Variants in ASTN2 observed in about 807,000 individuals in gnomAD.
ASTN2 encodes astrotactin-2.
Under a neutral mutation model 139.8 loss-of-function variants are expected in ASTN2, and 54 were observed. The observed-to-expected ratio is 0.39, with a 90% CI of 0.31 to 0.48. The LOEUF (loss-of-function observed/expected upper bound fraction) is 0.48, where lower values mean the gene tolerates loss of function less well. Ranked by LOEUF, ASTN2 falls within the 20% of genes least tolerant of loss-of-function variation. The pLI is 0.95. For synonymous variants in ASTN2, 756 were observed against 719.5 expected, an observed-to-expected ratio of 1.05 and a Z score of -0.81; for missense variants, 1,565 against 1,725.1, an observed-to-expected ratio of 0.91 and a Z score of 1.64.
intron 2 of ASTN2, among the ~76,000 whole-genome samples, chr9:117,221,505 C>G (rs1832516668): frequency 6.6e-6 from 1 of 152,174 alleles, no homozygotes; most frequent in South Asian, 2.1e-4. Context: ...TCACTATGGC[C>G]AAGCCACCAG....
chr9:117,326,953 AC>A lies in ASTN2; in HGVS notation c.443-35441del, dbSNP rs1378613068. On this transcript the variant is annotated intron_variant, in intron 1 of 22. Transcript: ENST00000313400. The stretch of plus-strand genomic sequence containing the variant: ...CAAGGACGTAGAGCAATGGTCCCCA[AC>A]CTTTTTGGCACTAGGTACCTGTTTC... Among the ~76,000 whole-genome samples the A allele has an allele frequency of 2.0e-5, 3 of 152,244 alleles. No individual in the cohort carries two copies. The East Asian group carries it at 5.8e-4, about 29-fold the overall frequency.
At chr9:116,744,007 A>G (rs1428038674) in intron 13 of ASTN2, among the ~76,000 whole-genome samples, 1 of 152,216 alleles carries the variant, frequency 6.6e-6, no homozygotes, top group African/African-American at 2.4e-5. Context: ...AATGAAGAGA[A>G]GGAAAACTTA....
intron 17 of ASTN2, among the ~76,000 whole-genome samples, chr9:116,649,542 C>T (rs907590980): frequency 6.7e-6 from 1 of 148,902 alleles, no homozygotes; most frequent in Admixed American, 6.8e-5. Flanking sequence ...CCATTGCACT[C>T]CAGCCTGGGC....
intron 1 of ASTN2, among the ~76,000 whole-genome samples, chr9:117,385,923 G>A (rs545724547): frequency 6.6e-6 from 1 of 152,248 alleles, no homozygotes; most frequent in African/African-American, 2.4e-5. Flanking sequence ...AGCAGGGAAT[G>A]CCCAGGAAGC....
intron 11 of ASTN2, among the ~76,000 whole-genome samples, chr9:116,852,918 C>CACAT (rs60269607): frequency 8.2e-5 from 12 of 146,208 alleles, no homozygotes; most frequent in African/African-American, 2.2e-4. Context: ...CACACACACA[C>CACAT]GGTTAAGATC....
chr9:117,065,706 CTTCT>C (rs1321589730), intron 5 of ASTN2, among the ~76,000 whole-genome samples: 1 of 152,140 alleles, frequency 6.6e-6, no homozygotes, highest in East Asian at 1.9e-4. Context: ...TGTACTCTTA[CTTCT>C]TTGTCAATTA....
intron 16 of ASTN2, among the ~76,000 whole-genome samples, chr9:116,704,658 GATGCAATAGC>G (rs1381802854): frequency 2.6e-5 from 4 of 152,162 alleles, no homozygotes; most frequent in Non-Finnish European, 2.9e-5. Flanking sequence ...CTGTATTGGT[GATGCAATAGC>G]ATGTTCAGCA....
At chr9:117,375,900 G>A (rs1275122865) in intron 1 of ASTN2, among the ~76,000 whole-genome samples, 1 of 151,800 alleles carries the variant, frequency 6.6e-6, no homozygotes, top group Admixed American at 6.6e-5. Flanking sequence ...TTCATTCCTT[G>A]TCTCCTGGCA....
intron 19 of ASTN2, chr9:116,584,180 T>G (rs1382075727): frequency 1.3e-5 from 2 of 152,176 alleles, no homozygotes; most frequent in Non-Finnish European, 2.9e-5. Flanking sequence ...GGTGGGTCAT[T>G]CATTAAACGG....
At position 116,621,174 on chromosome 9, in the gene ASTN2, T is replaced by C. The variant is rs542546548; in HGVS notation, c.3073-731A>G. Among the ~76,000 whole-genome samples, 5 of 152,228 alleles carry C rather than the reference T, an allele frequency of 3.3e-5. No homozygotes were observed. The East Asian group carries it at 9.7e-4, about 29-fold the overall frequency. ...CTATAACGGGCCAGAGAGTAAATATTTTTGGCTTTGGGACAAGGTAGACTC... is the reference window on the plus strand; with the variant it reads ...CTATAACGGGCCAGAGAGTAAATATCTTTGGCTTTGGGACAAGGTAGACTC... On this transcript the variant is annotated intron_variant, in intron 17 of 22. Transcript: ENST00000313400.
rs561363900 is a variant in ASTN2 at position 117,218,953 on chromosome 9, G to A, written c.631-4211C>T. On this transcript the variant is annotated intron_variant, in intron 2 of 22. Transcript: ENST00000313400. ...ATGGACACGGGATACTTTGCTTAGT[G>A]CCTGGCACATGGTAAACCAGTGATA... 4.6e-5 allele frequency among the ~76,000 whole-genome samples: 7 copies of A among 152,326 alleles called. No individual in the cohort carries two copies. The South Asian group carries it at 1.5e-3, about 32-fold the overall frequency.
chr9:117,058,399 C>T (rs1839131064), intron 5 of ASTN2, among the ~76,000 whole-genome samples: 1 of 152,008 alleles, frequency 6.6e-6, no homozygotes, highest in South Asian at 2.1e-4. Context: ...TAAGCACTTA[C>T]TCTGCCCTGA....
chr9:116,563,150 C>T (rs982077477), intron 19 of ASTN2, among the ~76,000 whole-genome samples: 4 of 151,832 alleles, frequency 2.6e-5, no homozygotes, highest in Admixed American at 1.3e-4. Flanking sequence ...CCGAGGTGGG[C>T]GGATCATAAG....
chr9:117,219,492 G>GA (rs1301103430), intron 2 of ASTN2, among the ~76,000 whole-genome samples: 1 of 152,198 alleles, frequency 6.6e-6, no homozygotes, highest in African/African-American at 2.4e-5. Flanking sequence ...GACAAGCTGA[G>GA]ACCCTGCTGG....
chr9:116,646,614 T>G (rs1052431176), intron 17 of ASTN2, among the ~76,000 whole-genome samples: 46 of 152,198 alleles, frequency 3.0e-4, no homozygotes, highest in African/African-American at 8.4e-4. Context: ...CTGGCTCCTT[T>G]GGAAATGTCT....
chr9:117,227,663 T>C (rs974070604), intron 2 of ASTN2, among the ~76,000 whole-genome samples: 2 of 152,222 alleles, frequency 1.3e-5, no homozygotes, highest in Non-Finnish European at 2.9e-5. Context: ...TGCTGTTAGT[T>C]CCCTTTTGGT....
chr9:116,920,703 G>T (rs1444995363), intron 10 of ASTN2, among the ~76,000 whole-genome samples: 1 of 152,172 alleles, frequency 6.6e-6, no homozygotes, highest in Non-Finnish European at 1.5e-5. Context: ...ACAATACCAG[G>T]ACCCCGGTAT....
chr9:116,723,894 A>AC (rs1421561404), intron 16 of ASTN2, among the ~76,000 whole-genome samples: 8 of 152,142 alleles, frequency 5.3e-5, no homozygotes. Context: ...CACCAAGTTT[A>AC]CCCCACAAGT....
chr9:116,991,925 A>C (rs1836868062), intron 7 of ASTN2, among the ~76,000 whole-genome samples: 1 of 152,248 alleles, frequency 6.6e-6, no homozygotes, highest in Non-Finnish European at 1.5e-5. Flanking sequence ...TATGAAACAA[A>C]GACATTAATG....
Sources: allele counts gnomAD v4.1 joint callset (sites outside exome capture counted in the v4.1 genomes callset), GRCh38; gene constraint gnomAD v4.1.1; transcripts MANE v1.5; gene names NCBI Gene and HGNC (gene_info 2026-07-23, HGNC 2026-07-21).